Variants in OPCML observed in about 807,000 individuals in gnomAD.
The protein encoded by OPCML is opioid binding protein/cell adhesion molecule like, also known as opioid-binding protein/cell adhesion molecule.
Under a neutral mutation model 37.8 loss-of-function variants are expected in OPCML, and 13 were observed. That is an observed-to-expected ratio of 0.34 (90% CI 0.22 to 0.55). OPCML has a LOEUF of 0.55. Ranked by LOEUF, OPCML falls within the 20% of genes least tolerant of loss-of-function variation. The pLI is 0.91. For missense variants in OPCML, 341 were observed against 435.6 expected (o/e 0.78, Z 1.93); for synonymous variants, 176 against 168.8 (o/e 1.04, Z -0.33).
intron 1 of OPCML, among the ~76,000 whole-genome samples, chr11:133,352,753 G>C (rs1944170466): frequency 6.6e-6 from 1 of 152,288 alleles, no homozygotes; most frequent in East Asian, 1.9e-4. Context: ...AGCTAGACTA[G>C]TAAAAATCGC....
chr11:133,014,394 A>G (rs1286688970), intron 1 of OPCML, among the ~76,000 whole-genome samples: 1 of 152,032 alleles, frequency 6.6e-6, no homozygotes, highest in Non-Finnish European at 1.5e-5. Flanking sequence ...TTGAAGAAAA[A>G]AATTATTGTT....
intron 2 of OPCML, among the ~76,000 whole-genome samples, chr11:132,760,760 A>T (rs1946233601): frequency 6.6e-6 from 1 of 152,042 alleles, no homozygotes; most frequent in Admixed American, 6.6e-5. Flanking sequence ...CCAATTTGCC[A>T]GTCTGTGTCT....
intron 2 of OPCML, among the ~76,000 whole-genome samples, chr11:132,929,904 T>C (rs1945141037): frequency 1.3e-5 from 2 of 152,196 alleles, no homozygotes. Context: ...AGAAATTACA[T>C]AACCTTAATA....
At chr11:133,530,086 G>A (rs541525412) in intron 1 of OPCML, among the ~76,000 whole-genome samples, 2 of 152,320 alleles carry the variant, frequency 1.3e-5, no homozygotes, top group African/African-American at 4.8e-5. Flanking sequence ...CCCAGAAGAT[G>A]GGGGCAGGGG....
intron 2 of OPCML, among the ~76,000 whole-genome samples, chr11:132,867,427 G>C (rs1371123051): frequency 6.6e-6 from 1 of 152,156 alleles, no homozygotes; most frequent in Non-Finnish European, 1.5e-5. Context: ...ATAAATAGAA[G>C]TTACTTTCAT....
intron 1 of OPCML, among the ~76,000 whole-genome samples, chr11:133,033,395 T>C (rs1188625948): frequency 6.6e-6 from 1 of 152,240 alleles, no homozygotes; most frequent in Non-Finnish European, 1.5e-5. Flanking sequence ...TTTAGGACTA[T>C]GCATTCATGA....
intron 1 of OPCML, among the ~76,000 whole-genome samples, chr11:133,187,475 A>C (rs891310338): frequency 6.6e-6 from 1 of 152,090 alleles, no homozygotes; most frequent in Non-Finnish European, 1.5e-5. Flanking sequence ...TCTCTACCCC[A>C]AATGTGGATA....
intron 2 of OPCML, among the ~76,000 whole-genome samples, chr11:132,867,624 C>T (rs566118556): frequency 6.6e-6 from 1 of 152,278 alleles, no homozygotes; most frequent in African/African-American, 2.4e-5. Context: ...CTAGACTGGG[C>T]TTTCAAGAAG....
chr11:133,024,712 G>T, intron 1 of OPCML: 1 of 858,890 alleles, frequency 1.2e-6, no homozygotes, highest in Non-Finnish European at 1.4e-6. Context: ...GGTTCTTAAC[G>T]TATGCATCTT....
chr11:132,742,986 G>A (rs1019459932), intron 2 of OPCML, among the ~76,000 whole-genome samples: 1 of 152,040 alleles, frequency 6.6e-6, no homozygotes, highest in Admixed American at 6.6e-5. Flanking sequence ...TTCTCTAAAT[G>A]TGTTCTTTGC....
rs1299073897 is a variant in OPCML, at chr11:133,211,587, A to G, written c.62-268577T>C. On this transcript the variant is annotated intron_variant, in intron 1 of 7. Transcript: ENST00000524381. The surrounding 1 kb of genome is among the most constrained non-coding windows in gnomAD (Gnocchi z 4.1). ...AACTATGCTTTGGCATCAACAGTGG[A>G]ACATGGTTTCCTAGAAGGGAGCTGA... 6.6e-6 allele frequency among the ~76,000 whole-genome samples: 1 copy of G among 152,196 alleles called. No individual in the cohort carries two copies. Among genetic ancestry groups the G allele is most frequent in the Admixed American group, 6.5e-5 (1 of 15,278 alleles).
chr11:133,294,639 C>T (rs1292934988), intron 1 of OPCML, among the ~76,000 whole-genome samples: 2 of 152,030 alleles, frequency 1.3e-5, no homozygotes, highest in Non-Finnish European at 2.9e-5. Flanking sequence ...AAACAACCCA[C>T]CACACAGCTA....
chr11:132,773,816 C>T (rs1041072641), intron 2 of OPCML, among the ~76,000 whole-genome samples: 1 of 152,080 alleles, frequency 6.6e-6, no homozygotes, highest in African/African-American at 2.4e-5. Context: ...TTTCTTTGCC[C>T]ATTTCTGCAT....
At chr11:132,627,259 C>A (rs1393370510) in intron 3 of OPCML, among the ~76,000 whole-genome samples, 1 of 152,112 alleles carries the variant, frequency 6.6e-6, no homozygotes, top group Non-Finnish European at 1.5e-5. Flanking sequence ...CATTCACTAA[C>A]CTGTAGGTGA....
chr11:132,478,105 TTAAC>T (rs1281481243), intron 4 of OPCML, among the ~76,000 whole-genome samples: 3 of 152,154 alleles, frequency 2.0e-5, no homozygotes, highest in Non-Finnish European at 4.4e-5. Flanking sequence ...AAGTAAAAGA[TTAAC>T]TATGCTAAAA....
At chr11:132,466,345 G>A (rs1287744681) in intron 4 of OPCML, among the ~76,000 whole-genome samples, 2 of 151,592 alleles carry the variant, frequency 1.3e-5, no homozygotes, top group Non-Finnish European at 2.9e-5. Flanking sequence ...ATAGCCAGGT[G>A]TGGTGGCGGG....
rs115314679 is a variant in OPCML at position 132,423,564 on chromosome 11, T to G, written c.917-3271A>C. ...GAGACAAAAGCCATGGGCAATGAAC[T>G]CATTCTTTAATTGCATCTTTGCAGT... On this transcript the variant is annotated intron_variant, in intron 7 of 7. Coordinates refer to ENST00000524381, the MANE Select transcript of OPCML (RefSeq NM_001012393.5). Among the ~76,000 whole-genome samples the G allele has an allele frequency of 6.5e-3, 995 of 152,324 alleles. 10 individuals are homozygous for G. The highest frequency in any genetic ancestry group is 0.023 in the African/African-American group (957 of 41,568).
At chr11:132,877,971 A>G (rs1200570639) in intron 2 of OPCML, among the ~76,000 whole-genome samples, 1 of 152,218 alleles carries the variant, frequency 6.6e-6, no homozygotes, top group Non-Finnish European at 1.5e-5. Context: ...AAAATAGGTC[A>G]GGAGAGCAAG....
At chr11:133,273,631 G>T (rs2155535) in intron 1 of OPCML, among the ~76,000 whole-genome samples, 8 of 151,996 alleles carry the variant, frequency 5.3e-5, no homozygotes, top group African/African-American at 1.9e-4. Context: ...ATTTTCAGTA[G>T]TCCCTCAAGG....
Sources: gnomAD v4.1 joint callset for allele counts (sites outside exome capture counted in the v4.1 genomes callset) on GRCh38, gnomAD v4.1.1 for gene constraint, Gnocchi (gnomAD v3.1) non-coding constraint, MANE v1.5 for transcripts, NCBI Gene and HGNC (gene_info 2026-07-23, HGNC 2026-07-21) for gene names.